The following NELL1 variants were observed in gnomAD, a reference collection of about 807,000 sequenced individuals.
NELL1 encodes protein kinase C-binding protein NELL1.
A neutral mutation model predicts 107.4 loss-of-function variants in NELL1; 76 were observed. That is an observed-to-expected ratio of 0.71 (90% CI 0.59 to 0.86). The LOEUF is 0.86. Ranked by LOEUF, NELL1 falls within the 40% of genes least tolerant of loss-of-function variation. The pLI is 0.00. For missense variants in NELL1, 1,024 were observed against 1,005.5 expected (o/e 1.02, Z -0.25); for synonymous variants, 353 against 341.2 (o/e 1.03, Z -0.38).
At chr11:21,284,556 A>G (rs2133951646) in intron 14 of NELL1, 1 of 457,724 alleles carries the variant, frequency 2.2e-6, no homozygotes, top group African/African-American at 2.0e-5. Flanking sequence ...GGAGAATGCC[A>G]CAATGCAGTG....
chr11:21,177,348 G>C (rs1278733349), intron 13 of NELL1, among the ~76,000 whole-genome samples: 5 of 151,616 alleles, frequency 3.3e-5, no homozygotes, highest in African/African-American at 7.3e-5. Context: ...ACATAGATGT[G>C]AGATCATGCA....
intron 12 of NELL1, among the ~76,000 whole-genome samples, chr11:21,053,015 C>G (rs1853532505): frequency 1.3e-5 from 2 of 152,070 alleles, no homozygotes; most frequent in South Asian, 4.1e-4. Flanking sequence ...GATATTAGAC[C>G]ACCCACTGAA....
intron 10 of NELL1, among the ~76,000 whole-genome samples, chr11:20,944,481 C>T (rs745666700): frequency 6.6e-6 from 1 of 152,080 alleles, no homozygotes; most frequent in African/African-American, 2.4e-5. Context: ...CAGGTTAGTG[C>T]ACAATGGTTA....
intron 15 of NELL1, among the ~76,000 whole-genome samples, chr11:21,439,494 G>T (rs780546351): frequency 6.6e-6 from 1 of 152,126 alleles, no homozygotes; most frequent in Non-Finnish European, 1.5e-5. Flanking sequence ...CAAGAGCAAA[G>T]GCAGGTGAAC....
intron 12 of NELL1, among the ~76,000 whole-genome samples, chr11:21,007,675 T>C (rs1026260112): frequency 6.6e-6 from 1 of 152,114 alleles, no homozygotes; most frequent in Non-Finnish European, 1.5e-5. Flanking sequence ...GGGACACCTG[T>C]ACATTCACAC....
At chr11:20,822,831 A>C (rs1258937799) in intron 3 of NELL1, among the ~76,000 whole-genome samples, 1 of 152,200 alleles carries the variant, frequency 6.6e-6, no homozygotes, top group Non-Finnish European at 1.5e-5. Flanking sequence ...TGGAAGTCTT[A>C]TGTGCTCAGC....
intron 14 of NELL1, among the ~76,000 whole-genome samples, chr11:21,367,554 A>G (rs947294944): frequency 2.0e-5 from 3 of 152,154 alleles, no homozygotes; most frequent in Admixed American, 2.0e-4. Context: ...AATCTAGAAC[A>G]TAAACTGGTT....
At chr11:21,188,820 G>A (rs1238973939) in intron 13 of NELL1, among the ~76,000 whole-genome samples, 1 of 151,666 alleles carries the variant, frequency 6.6e-6, no homozygotes, top group African/African-American at 2.4e-5. Flanking sequence ...GACACTATAA[G>A]CATTTTCCTT....
At chr11:21,172,906 G>T (rs1320913584) in intron 13 of NELL1, among the ~76,000 whole-genome samples, 1 of 143,582 alleles carries the variant, frequency 7.0e-6, no homozygotes, top group African/African-American at 2.7e-5. Context: ...TCACTCTTTG[G>T]CAGGTGTGTG....
intron 15 of NELL1, among the ~76,000 whole-genome samples, chr11:21,458,461 ATCTT>A (rs1590948207): frequency 6.6e-6 from 1 of 152,172 alleles, no homozygotes. Flanking sequence ...AAAGGAAACA[ATCTT>A]TATGCTGAAC....
intron 12 of NELL1, among the ~76,000 whole-genome samples, chr11:21,019,163 C>T (rs542880231): frequency 3.3e-5 from 5 of 152,052 alleles, no homozygotes; most frequent in Admixed American, 6.6e-5. Context: ...TGTTCATGCT[C>T]TTTTAAATGG....
intron 15 of NELL1, among the ~76,000 whole-genome samples, chr11:21,468,920 G>A (rs967801400): frequency 1.3e-5 from 2 of 152,042 alleles, no homozygotes; most frequent in Non-Finnish European, 2.9e-5. Flanking sequence ...GGGAAGAGGC[G>A]AGTCAGATCT....
intron 12 of NELL1, among the ~76,000 whole-genome samples, chr11:21,077,010 C>T (rs1183218655): frequency 6.6e-6 from 1 of 152,072 alleles, no homozygotes; most frequent in Non-Finnish European, 1.5e-5. Flanking sequence ...TACCGAGTCT[C>T]AGGTATTTCT....
intron 2 of NELL1, among the ~76,000 whole-genome samples, chr11:20,699,719 A>G (rs1854722762): frequency 6.6e-6 from 1 of 152,280 alleles, no homozygotes; most frequent in Non-Finnish European, 1.5e-5. Context: ...TATTTTTGCA[A>G]TTGCTGATTG....
chr11:21,346,904 G>A (rs1386151063), intron 14 of NELL1, among the ~76,000 whole-genome samples: 1 of 152,036 alleles, frequency 6.6e-6, no homozygotes, highest in Non-Finnish European at 1.5e-5. Context: ...AACCTCTATA[G>A]CCTCTTATTA....
At chr11:21,103,319 T>A (rs888843526) in intron 12 of NELL1, among the ~76,000 whole-genome samples, 5 of 152,142 alleles carry the variant, frequency 3.3e-5, no homozygotes, top group Admixed American at 3.3e-4. Context: ...AATGAATAAT[T>A]TGACCAAGTA....
intron 2 of NELL1, among the ~76,000 whole-genome samples, chr11:20,716,918 A>AT (rs11424558): frequency 0.18 from 26,780 of 152,160 alleles, 2,917 homozygotes; most frequent in African/African-American, 0.3. Context: ...GCATAATACA[A>AT]ATGGATTCCT....
rs969008153 is a variant in NELL1, at chr11:20,995,308, G to A, written c.1300+34748G>A. On this transcript the variant is annotated intron_variant, in intron 12 of 19. Coordinates refer to ENST00000357134, the MANE Select transcript of NELL1 (RefSeq NM_006157.5). ...TAAAAAAATCAGCTTCTGGCTGGGC[G>A]CGGTGGCTCACACCTGTAATCCCAG... Among the ~76,000 whole-genome samples, 9 of 152,186 alleles carry A rather than the reference G, an allele frequency of 5.9e-5. No individual in the cohort carries two copies. The South Asian group carries it at 8.3e-4, about 14-fold the overall frequency.
At chr11:20,945,513 C>T (rs61883260) in intron 10 of NELL1, among the ~76,000 whole-genome samples, 193 of 152,266 alleles carry the variant, frequency 1.3e-3, no homozygotes, top group Non-Finnish European at 2.5e-3. Context: ...CCTAGAGGTG[C>T]GCACATAGAG....
Sources: allele counts gnomAD v4.1 joint callset (sites outside exome capture counted in the v4.1 genomes callset), GRCh38; gene constraint gnomAD v4.1.1; transcripts MANE v1.5; gene names NCBI Gene and HGNC (gene_info 2026-07-23, HGNC 2026-07-21).